RBFOX1: variants seen among roughly 807,000 people sequenced by gnomAD.
RBFOX1 encodes RNA binding fox-1 homolog 1.
Under a neutral mutation model 57.7 loss-of-function variants are expected in RBFOX1, and 8 were observed. The observed-to-expected ratio is 0.14, with a 90% CI of 0.08 to 0.25. RBFOX1 has a LOEUF of 0.25. RBFOX1 is among the 10% of genes least tolerant of loss of function. The probability of loss-of-function intolerance (pLI) is 1.00; values close to 1 mark genes in which losing one functional copy is unlikely to be tolerated. For synonymous variants in RBFOX1, 326 were observed against 222.4 expected (o/e 1.47, Z -4.15); for missense variants, 611 against 548.5 (o/e 1.11, Z -1.14).
intron 2 of RBFOX1, among the ~76,000 whole-genome samples, chr16:6,354,863 T>C (rs867393591): frequency 2.0e-5 from 3 of 152,184 alleles, no homozygotes; most frequent in Admixed American, 1.3e-4. Context: ...GATCAATAAA[T>C]GAATAAATAA....
chr16:7,659,631 G>T (rs1194731477), intron 12 of RBFOX1, among the ~76,000 whole-genome samples: 1 of 152,206 alleles, frequency 6.6e-6, no homozygotes, highest in African/African-American at 2.4e-5. Flanking sequence ...TTTTAAGAAA[G>T]TTAATGGATT....
chr16:6,524,097 C>A (rs994957104), intron 2 of RBFOX1, among the ~76,000 whole-genome samples: 3 of 152,236 alleles, frequency 2.0e-5, no homozygotes, highest in Admixed American at 6.5e-5. Context: ...AGGTCTTATT[C>A]ATTCTATTTC....
intron 2 of RBFOX1, chr16:6,483,076 G>C (rs1001489877): frequency 1.1e-6 from 1 of 947,664 alleles, no homozygotes; most frequent in Non-Finnish European, 1.3e-6. Flanking sequence ...AGCTTTGCAA[G>C]TGCCTCCGAC....
At chr16:6,184,025 T>G (rs1008779379) in intron 1 of RBFOX1, among the ~76,000 whole-genome samples, 1 of 152,100 alleles carries the variant, frequency 6.6e-6, no homozygotes, top group African/African-American at 2.4e-5. Context: ...GACCGCACAA[T>G]CGTGCCAGAA....
At chr16:6,997,785 T>G (rs1480376517) in intron 3 of RBFOX1, among the ~76,000 whole-genome samples, 1 of 152,182 alleles carries the variant, frequency 6.6e-6, no homozygotes, top group Admixed American at 6.5e-5. Context: ...CTCAATTCCC[T>G]GTTTCTCTGA....
intron 1 of RBFOX1, among the ~76,000 whole-genome samples, chr16:5,283,177 A>G (rs1327000800): frequency 6.6e-6 from 1 of 152,198 alleles, no homozygotes; most frequent in Non-Finnish European, 1.5e-5. Flanking sequence ...GAGGTTTGGG[A>G]ACCACTGCCT....
At chr16:7,253,515 T>G (rs1288132607) in intron 4 of RBFOX1, among the ~76,000 whole-genome samples, 1 of 152,192 alleles carries the variant, frequency 6.6e-6, no homozygotes, top group African/African-American at 2.4e-5. Context: ...CATCACTTCC[T>G]TTCTAACCAT....
chr16:6,189,101 C>T lies in RBFOX1; in HGVS notation c.-126-127894C>T, dbSNP rs2097126016. The stretch of plus-strand genomic sequence containing the variant: ...GATGACCTCTGAAAATTACCTGTGC[C>T]ATTCTAAACCACCAAATGGTTCCAT... On this transcript the variant is annotated intron_variant, in intron 1 of 15. Coordinates refer to ENST00000550418, the MANE Select transcript of RBFOX1 (RefSeq NM_018723.4). 1.3e-5 allele frequency among the ~76,000 whole-genome samples: 2 copies of T among 152,206 alleles called. 1 individual carries two copies. Among genetic ancestry groups the T allele is most frequent in the South Asian group, 4.1e-4 (2 of 4,830 alleles).
At chr16:6,836,865 T>G (rs2093137062) in intron 3 of RBFOX1, among the ~76,000 whole-genome samples, 1 of 152,220 alleles carries the variant, frequency 6.6e-6, no homozygotes, top group Admixed American at 6.5e-5. Context: ...TACTTACTGC[T>G]GAACCACAGG....
chr16:6,767,935 TAATAATAATAATA>T (rs2077586961), intron 3 of RBFOX1, among the ~76,000 whole-genome samples: 1 of 93,268 alleles, frequency 1.1e-5, no homozygotes, highest in South Asian at 3.5e-4. Flanking sequence ...ATAATAATAA[TAATAATAATAATA>T]AGAAGAAGAA....
intron 2 of RBFOX1, among the ~76,000 whole-genome samples, chr16:6,391,461 G>C (rs908015332): frequency 6.8e-6 from 1 of 148,138 alleles, no homozygotes; most frequent in Non-Finnish European, 1.5e-5. Flanking sequence ...AGTGAGCCGA[G>C]ATCGCACCAC....
intron 2 of RBFOX1, among the ~76,000 whole-genome samples, chr16:5,552,223 G>A (rs540660903): frequency 4.3e-4 from 65 of 152,262 alleles, no homozygotes; most frequent in African/African-American, 1.5e-3. Flanking sequence ...CCCAGCCCTT[G>A]GGGATGATTC....
chr16:6,674,616 C>G (rs1188684164), intron 3 of RBFOX1, among the ~76,000 whole-genome samples: 1 of 152,162 alleles, frequency 6.6e-6, no homozygotes, highest in African/African-American at 2.4e-5. Context: ...GCCACCGTGC[C>G]CAGCCCGAAT....
chr16:6,051,495 T>A (rs1276690391), intron 1 of RBFOX1, among the ~76,000 whole-genome samples: 1 of 152,104 alleles, frequency 6.6e-6, no homozygotes, highest in Non-Finnish European at 1.5e-5. Context: ...ACCCAGGTAA[T>A]TTTTGTATTT....
At chr16:7,363,001 C>G (rs1035383717) in intron 4 of RBFOX1, among the ~76,000 whole-genome samples, 1 of 152,150 alleles carries the variant, frequency 6.6e-6, no homozygotes, top group Non-Finnish European at 1.5e-5. Flanking sequence ...TAGGATGAGA[C>G]CCACATGGAA....
At chr16:6,833,412 C>G (rs768023951) in intron 3 of RBFOX1, among the ~76,000 whole-genome samples, 25 of 152,152 alleles carry the variant, frequency 1.6e-4, no homozygotes, top group Non-Finnish European at 3.1e-4. Context: ...GGTGATCAAC[C>G]TGCCTCGGCT....
chr16:6,274,638 C>T (rs1599063153), intron 1 of RBFOX1, among the ~76,000 whole-genome samples: 1 of 152,254 alleles, frequency 6.6e-6, no homozygotes, highest in East Asian at 1.9e-4. Context: ...TATCATCACG[C>T]AATCCCCTGA....
At chr16:7,174,528 C>A (rs1466380722) in intron 4 of RBFOX1, among the ~76,000 whole-genome samples, 1 of 152,278 alleles carries the variant, frequency 6.6e-6, no homozygotes, top group African/African-American at 2.4e-5. Context: ...CACCTGCAAT[C>A]CCAGCCCTTT....
At chr16:6,232,419 A>T (rs1460677458) in intron 1 of RBFOX1, among the ~76,000 whole-genome samples, 2 of 152,156 alleles carry the variant, frequency 1.3e-5, no homozygotes, top group Non-Finnish European at 2.9e-5. Flanking sequence ...ATGAGAGTAG[A>T]ATGTTTCAGC....
Sources: allele counts gnomAD v4.1 joint callset (sites outside exome capture counted in the v4.1 genomes callset), GRCh38; gene constraint gnomAD v4.1.1; transcripts MANE v1.5; gene names NCBI Gene and HGNC (gene_info 2026-07-23, HGNC 2026-07-21).